The following UBA6 variants were observed in gnomAD, a reference collection of about 807,000 sequenced individuals.
UBA6 encodes ubiquitin like modifier activating enzyme 6.
In UBA6, 87 loss-of-function variants were observed where a neutral mutation model predicts 148.3. The observed-to-expected ratio is 0.59, with a 90% CI of 0.49 to 0.70. UBA6 has a LOEUF of 0.70. Among genes scored for constraint, UBA6 ranks in the 30% least tolerant of loss-of-function variants. The probability of loss-of-function intolerance (pLI) is 0.00; values close to 1 mark genes in which losing one functional copy is unlikely to be tolerated. For synonymous variants in UBA6, 376 were observed against 401.0 expected (o/e 0.94, Z 0.75); for missense variants, 1,186 against 1,241.2 (o/e 0.96, Z 0.67).
chr4:67,687,186 C>A (rs1185512185), intron 2 of UBA6, among the ~76,000 whole-genome samples: 1 of 151,378 alleles, frequency 6.6e-6, no homozygotes, highest in Non-Finnish European at 1.5e-5. Context: ...CAGGTGCGTG[C>A]CACCATGCCT....
chr4:67,678,082 A>T (rs898006739), intron 5 of UBA6, among the ~76,000 whole-genome samples: 3 of 147,224 alleles, frequency 2.0e-5, no homozygotes, highest in African/African-American at 7.4e-5. Flanking sequence ...TTATATATAT[A>T]ATATATATAA....
chr4:67,676,018 CCT>C (rs1491428028), intron 6 of UBA6, among the ~76,000 whole-genome samples: 4 of 143,478 alleles, frequency 2.8e-5, no homozygotes, highest in Non-Finnish European at 6.1e-5. Flanking sequence ...TATAGTACTA[CCT>C]TTTTTTTTTT....
intron 4 of UBA6, 55 bp downstream of exon 4, chr4:67,681,508 A>G: frequency 8.1e-7 from 1 of 1,240,430 alleles, no homozygotes; most frequent in East Asian, 2.5e-5. Flanking sequence ...ACCATAACAA[A>G]TGAGCCAAAA....
intron 11 of UBA6, 115 bp from the exon 12 acceptor site, chr4:67,663,330 T>C: frequency 4.6e-6 from 3 of 653,716 alleles, no homozygotes; most frequent in Non-Finnish European, 8.0e-6. Context: ...ATTAGCTTAA[T>C]ACTGTTATTA....
intron 8 of UBA6, among the ~76,000 whole-genome samples, chr4:67,669,806 A>C (rs1328183779): frequency 3.3e-5 from 5 of 152,212 alleles, no homozygotes; most frequent in Admixed American, 3.3e-4. Flanking sequence ...CTTACAACAT[A>C]CTTAGTGCAT....
At chr4:67,645,736 A>G (rs1167537508) in intron 16 of UBA6, among the ~76,000 whole-genome samples, 1 of 152,188 alleles carries the variant, frequency 6.6e-6, no homozygotes, top group East Asian at 1.9e-4. Flanking sequence ...TACTTTAAAG[A>G]TATTAATTAG....
chr4:67,649,950 T>G (rs1729513074), intron 13 of UBA6, among the ~76,000 whole-genome samples: 1 of 152,154 alleles, frequency 6.6e-6, no homozygotes, highest in African/African-American at 2.4e-5. Context: ...AGAAGAGTTC[T>G]TGTACACAGA....
intron 2 of UBA6, among the ~76,000 whole-genome samples, chr4:67,695,733 A>C (rs1730817454): frequency 6.6e-6 from 1 of 152,188 alleles, no homozygotes; most frequent in Admixed American, 6.5e-5. Context: ...ACCATATTTT[A>C]TAATCAAGAA....
At chr4:67,631,153 G>A (rs1728988543) in intron 25 of UBA6, among the ~76,000 whole-genome samples, 1 of 152,110 alleles carries the variant, frequency 6.6e-6, no homozygotes, top group African/African-American at 2.4e-5. Context: ...TTGAGCCTAG[G>A]AGTTCAAGAC....
intron 9 of UBA6, 49 bp from the exon 10 acceptor site, chr4:67,665,341 T>A: frequency 1.7e-6 from 2 of 1,147,900 alleles, no homozygotes; most frequent in Non-Finnish European, 2.5e-6. Context: ...TATAGATATT[T>A]AAATTTCAAC....
chr4:67,690,639 G>A (rs1348098911), intron 2 of UBA6, among the ~76,000 whole-genome samples: 3 of 152,068 alleles, frequency 2.0e-5, no homozygotes, highest in Non-Finnish European at 2.9e-5. Flanking sequence ...CAAAGAGTTT[G>A]AATAGATCTT....
intron 19 of UBA6, among the ~76,000 whole-genome samples, chr4:67,636,816 C>T (rs565939866): frequency 2.0e-5 from 3 of 152,118 alleles, no homozygotes; most frequent in South Asian, 4.1e-4. Flanking sequence ...GCCGCCACCC[C>T]GTCTGGGAAG....
rs1360806306 is a variant in UBA6, at chr4:67,635,685, AAC to A, written c.1737-129_1737-128del. The A allele has an allele frequency of 8.7e-6, 5 of 572,550 alleles. No homozygotes were observed. In the African/African-American group the frequency reaches 1.0e-4, roughly 12 times the overall value. 35.5% of individuals were successfully genotyped at this position (572,550 alleles called of 1,614,324 possible). On this transcript the variant is annotated intron_variant, in intron 19 of 32. Transcript: ENST00000322244. ...CTTCTTGAATGCAGTATTTTAGGAAAACAGATATACTACTATCAAACAGTGGA... is the reference window on the plus strand; with the variant it reads ...CTTCTTGAATGCAGTATTTTAGGAAAAGATATACTACTATCAAACAGTGGA...
chr4:67,688,552 AATACCATCAGAGTCAGT>A (rs1730623870), intron 2 of UBA6, among the ~76,000 whole-genome samples: 1 of 152,146 alleles, frequency 6.6e-6, no homozygotes, highest in Non-Finnish European at 1.5e-5. Flanking sequence ...GAGAACTCAG[AATACCATCAGAGTCAGT>A]CCAAAATAAA....
chr4:67,622,050 C>T (rs1475612703), intron 32 of UBA6, among the ~76,000 whole-genome samples: 1 of 152,036 alleles, frequency 6.6e-6, no homozygotes, highest in Non-Finnish European at 1.5e-5. Context: ...AAGCAAAGGT[C>T]CCATGCTGGA....
At chr4:67,644,674 A>G (rs752251274) in intron 17 of UBA6, 24 bp downstream of exon 17, 85 of 1,363,230 alleles carry the variant, frequency 6.2e-5, no homozygotes, top group Admixed American at 1.2e-4. Context: ...ATAAACTTTT[A>G]ACTCTCAAGA....
chr4:67,631,794 A>G (rs1323535972), intron 24 of UBA6, 23 bp from the exon 25 acceptor site: 3 of 1,610,004 alleles, frequency 1.9e-6, no homozygotes, highest in African/African-American at 2.7e-5. Context: ...TACAAATATC[A>G]TTTTCAATGT....
intron 18 of UBA6, among the ~76,000 whole-genome samples, chr4:67,639,626 A>G (rs1486610302): frequency 2.6e-5 from 4 of 152,134 alleles, no homozygotes; most frequent in African/African-American, 4.8e-5. Flanking sequence ...ATTTTATAAA[A>G]AACAGTCCAG....
At chr4:67,680,061 G>T (rs576649540) in intron 4 of UBA6, among the ~76,000 whole-genome samples, 32 of 152,114 alleles carry the variant, frequency 2.1e-4, no homozygotes, top group Non-Finnish European at 4.0e-4. Context: ...ACGAAATGAT[G>T]ACAGGAAACC....
Sources: gnomAD v4.1 joint callset for allele counts (sites outside exome capture counted in the v4.1 genomes callset) on GRCh38, gnomAD v4.1.1 for gene constraint, MANE v1.5 for transcripts, NCBI Gene and HGNC (gene_info 2026-07-23, HGNC 2026-07-21) for gene names.